UTRN: variants seen among roughly 807,000 people sequenced by gnomAD.
UTRN encodes the protein dystrophin-related protein 1.
Under a neutral mutation model 463.9 loss-of-function variants are expected in UTRN, and 283 were observed. The ratio of observed to expected loss-of-function variants is 0.61; its 90% CI spans 0.55 to 0.67. The LOEUF is 0.67. UTRN is among the 30% of genes least tolerant of loss of function. UTRN has a pLI of 0.00. For synonymous variants in UTRN, 1,442 were observed against 1,431.5 expected (o/e 1.01, Z -0.17); for missense variants, 3,922 against 4,084.3 (o/e 0.96, Z 1.08).
intron 2 of UTRN, among the ~76,000 whole-genome samples, chr6:144,357,912 G>C (rs1387730273): frequency 6.6e-6 from 1 of 152,246 alleles, no homozygotes; most frequent in Non-Finnish European, 1.5e-5. Context: ...GCTGTAGGGA[G>C]AGGAAGGGTA....
chr6:144,831,895 AAAAG>A (rs1310221970), intron 69 of UTRN, among the ~76,000 whole-genome samples: 4 of 152,338 alleles, frequency 2.6e-5, no homozygotes, highest in Admixed American at 6.5e-5. Context: ...AACAATCCTT[AAAAG>A]AAAGAAAATC....
intron 51 of UTRN, among the ~76,000 whole-genome samples, chr6:144,658,540 T>TC (rs1779552218): frequency 7.0e-6 from 1 of 143,488 alleles, no homozygotes; most frequent in South Asian, 2.3e-4. Flanking sequence ...ATTTTAGGGG[T>TC]TCCCCCCCCC....
chr6:144,799,472 T>C (rs753042339), intron 64 of UTRN: 4 of 471,720 alleles, frequency 8.5e-6, no homozygotes, highest in Admixed American at 4.7e-5. Flanking sequence ...AGAAGAAGAA[T>C]GGTAAAGTCA....
intron 15 of UTRN, 37 bp downstream of exon 15, chr6:144,447,355 C>T: frequency 6.3e-7 from 1 of 1,578,796 alleles, no homozygotes; most frequent in African/African-American, 1.4e-5. Flanking sequence ...TGTTGTAAGC[C>T]TATGATATCT....
chr6:144,593,842 T>C (rs1481696671), intron 51 of UTRN, among the ~76,000 whole-genome samples: 1 of 152,204 alleles, frequency 6.6e-6, no homozygotes, highest in Non-Finnish European at 1.5e-5. Context: ...TTTCCAAAAT[T>C]TAGTTCATTT....
At chr6:144,665,968 T>G (rs1780346345) in intron 51 of UTRN, among the ~76,000 whole-genome samples, 1 of 152,196 alleles carries the variant, frequency 6.6e-6, no homozygotes, top group Admixed American at 6.5e-5. Flanking sequence ...GTTAAATGCT[T>G]GGAAGAGCAT....
intron 51 of UTRN, among the ~76,000 whole-genome samples, chr6:144,617,410 T>C (rs1806245117): frequency 6.6e-6 from 1 of 152,228 alleles, no homozygotes. Context: ...GTAGTGTAAC[T>C]GTAAGTCACC....
chr6:144,572,435 G>T lies in UTRN; in HGVS notation c.7290-4664G>T, dbSNP rs144631781. ...TGGGATACATGTGCAGAATGTGCAG[G>T]TTTGTTACATAGGTATACATGTGCG... On this transcript the variant is annotated intron_variant, in intron 50 of 74. Coordinates refer to ENST00000367545, the MANE Select transcript of UTRN (RefSeq NM_007124.3). 8.7e-3 allele frequency among the ~76,000 whole-genome samples: 1,322 copies of T among 152,080 alleles called. 22 individuals carry two copies. Among genetic ancestry groups the T allele is most frequent in the African/African-American group, 0.029 (1,211 of 41,466 alleles).
In UTRN at chr6:144,554,762, A is replaced by G. The variant is rs768437080; in HGVS notation, c.7003A>G (p.Ile2335Val). 7.6e-5 allele frequency: 123 copies of G among 1,613,888 alleles called. No homozygotes were observed. Among genetic ancestry groups the G allele is most frequent in the Non-Finnish European group, 1.0e-4 (118 of 1,179,972 alleles). ...AAGACAGCAGCAGCTTGAGGACATG[A>G]TTATTGACAGTCTTCAGTGGGATGA... is the stretch of plus-strand genomic sequence containing the variant. ...ELRQQQLEDM[I>V]IDSLQWDDHR... The change falls in exon 49 of 75, where the codon ATT becomes GTT. Residue 2335 changes from isoleucine to valine, a missense_variant. Ile to Val is a conservative substitution (Grantham distance 29). This residue lies in a region of UTRN where 1,309 missense variants were observed against 1,452.6 expected (regional missense o/e 0.90). Coordinates refer to ENST00000367545, the MANE Select transcript of UTRN (RefSeq NM_007124.3).
chr6:144,473,305 G>A (rs1350723149), intron 23 of UTRN, among the ~76,000 whole-genome samples: 1 of 152,128 alleles, frequency 6.6e-6, no homozygotes, highest in Non-Finnish European at 1.5e-5. Context: ...ACCATCTATT[G>A]TATTCCCTCT....
intron 49 of UTRN, among the ~76,000 whole-genome samples, 191 bp from the exon 50 acceptor site, chr6:144,556,966 A>T (rs1242359632): frequency 6.6e-6 from 1 of 152,244 alleles, no homozygotes; most frequent in African/African-American, 2.4e-5. Flanking sequence ...ACTTTCTTGG[A>T]CATGTTTCTT....
intron 65 of UTRN, among the ~76,000 whole-genome samples, chr6:144,819,564 G>A (rs1779378022): frequency 2.0e-5 from 3 of 152,018 alleles, no homozygotes; most frequent in South Asian, 4.2e-4. Flanking sequence ...GTGGTGGTGC[G>A]CACCTGTAGT....
intron 51 of UTRN, 33 bp downstream of exon 51, chr6:144,577,321 G>T: frequency 6.2e-7 from 1 of 1,601,968 alleles, no homozygotes; most frequent in Non-Finnish European, 8.5e-7. Flanking sequence ...CAGTACCTGT[G>T]TTTGCCCTGT....
intron 21 of UTRN, among the ~76,000 whole-genome samples, chr6:144,459,598 A>AT (rs890055665): frequency 0.02 from 2,984 of 148,118 alleles, 52 homozygotes; most frequent in African/African-American, 0.049. Context: ...TATAATAATA[A>AT]TTTTTTTTTT....
At chr6:144,528,461 C>T (rs1796754711) in intron 41 of UTRN, among the ~76,000 whole-genome samples, 1 of 152,162 alleles carries the variant, frequency 6.6e-6, no homozygotes, top group African/African-American at 2.4e-5. Flanking sequence ...TGGCTGCTGT[C>T]CTGATTCTTT....
chr6:144,319,371 A>G (rs1775485438), intron 2 of UTRN, among the ~76,000 whole-genome samples: 1 of 152,136 alleles, frequency 6.6e-6, no homozygotes, highest in South Asian at 2.1e-4. Context: ...TAAAATGACA[A>G]ATTGTTTCAT....
At chr6:144,690,814 C>T (rs78107722) in intron 52 of UTRN, among the ~76,000 whole-genome samples, 5,205 of 152,188 alleles carry the variant, frequency 0.034, 111 homozygotes, top group African/African-American at 0.044. Context: ...CCAGGTTCCC[C>T]GGTGGGTGTG....
chr6:144,334,072 A>AT (rs1019633339), intron 2 of UTRN, among the ~76,000 whole-genome samples: 4 of 152,002 alleles, frequency 2.6e-5, no homozygotes, highest in Non-Finnish European at 5.9e-5. Flanking sequence ...ATGCCCTTTT[A>AT]TTTTTTTCCC....
intron 51 of UTRN, among the ~76,000 whole-genome samples, chr6:144,676,797 A>G (rs777303021): frequency 5.9e-5 from 9 of 152,194 alleles, no homozygotes; most frequent in Non-Finnish European, 1.2e-4. Context: ...TAAATTTTAT[A>G]AGACTGAAAG....
Sources: gnomAD v4.1 joint callset for allele counts (sites outside exome capture counted in the v4.1 genomes callset) on GRCh38, gnomAD v4.1.1 for gene constraint, gnomAD v4.1.1 regional missense constraint, MANE v1.5 for transcripts, NCBI Gene and HGNC (gene_info 2026-07-23, HGNC 2026-07-21) for gene names.